PTPRM: variants seen among roughly 807,000 people sequenced by gnomAD.
PTPRM encodes protein tyrosine phosphatase receptor type M.
Under a neutral mutation model 186.7 loss-of-function variants are expected in PTPRM, and 47 were observed. The ratio of observed to expected loss-of-function variants is 0.25; its 90% CI spans 0.20 to 0.32. PTPRM has a LOEUF of 0.32. Ranked by LOEUF, PTPRM falls within the 10% of genes least tolerant of loss-of-function variation. The probability of loss-of-function intolerance (pLI) is 1.00; values close to 1 mark genes in which losing one functional copy is unlikely to be tolerated. For missense variants in PTPRM, 1,494 were observed against 1,865.0 expected, an observed-to-expected ratio of 0.80 and a Z score of 3.66; for synonymous variants, 668 against 674.9, an observed-to-expected ratio of 0.99 and a Z score of 0.16.
intron 4 of PTPRM, among the ~76,000 whole-genome samples, chr18:7,917,942 T>G (rs2050655857): frequency 6.6e-6 from 1 of 152,178 alleles, no homozygotes; most frequent in Non-Finnish European, 1.5e-5. Context: ...CTATTTGTTT[T>G]TCTGTGCTTG....
At chr18:7,621,963 A>G (rs373770061) in intron 1 of PTPRM, among the ~76,000 whole-genome samples, 1 of 152,166 alleles carries the variant, frequency 6.6e-6, no homozygotes, top group Admixed American at 6.5e-5. Flanking sequence ...TAAGTTTTCA[A>G]CTCCATTGGA....
chr18:7,883,529 G>C (rs774448054), intron 2 of PTPRM, among the ~76,000 whole-genome samples: 5 of 152,156 alleles, frequency 3.3e-5, no homozygotes, highest in Admixed American at 3.3e-4. Context: ...TTTACTGCAG[G>C]TTGCTAGACT....
intron 1 of PTPRM, among the ~76,000 whole-genome samples, chr18:7,684,530 G>A (rs1018788435): frequency 2.0e-5 from 3 of 152,034 alleles, no homozygotes; most frequent in Non-Finnish European, 2.9e-5. Context: ...CCTGGCAACC[G>A]TAATTCTATT....
intron 3 of PTPRM, among the ~76,000 whole-genome samples, chr18:7,890,341 A>G (rs985369127): frequency 6.6e-6 from 1 of 152,168 alleles, no homozygotes; most frequent in Non-Finnish European, 1.5e-5. Context: ...GGGCGTGAAC[A>G]GCATCCAGTA....
At chr18:8,318,017 G>A (rs1390694254) in intron 21 of PTPRM, among the ~76,000 whole-genome samples, 2 of 152,162 alleles carry the variant, frequency 1.3e-5, no homozygotes, top group African/African-American at 2.4e-5. Context: ...AAAAGAATGT[G>A]TTTGCTTTTG....
At chr18:7,860,613 C>T (rs1366122264) in intron 2 of PTPRM, among the ~76,000 whole-genome samples, 1 of 152,148 alleles carries the variant, frequency 6.6e-6, no homozygotes, top group African/African-American at 2.4e-5. Flanking sequence ...CCACCTTTTC[C>T]TCTCGTTTAT....
intron 1 of PTPRM, among the ~76,000 whole-genome samples, chr18:7,700,975 CAAAAAAA>C (rs1262649146): frequency 3.3e-5 from 2 of 61,008 alleles, no homozygotes; most frequent in African/African-American, 1.3e-4. Flanking sequence ...GAGCCTATCT[CAAAAAAA>C]AAAAAAAAAA....
At chr18:7,868,849 A>G (rs552356017) in intron 2 of PTPRM, among the ~76,000 whole-genome samples, 2 of 152,316 alleles carry the variant, frequency 1.3e-5, no homozygotes, top group African/African-American at 4.8e-5. Flanking sequence ...AGTTTTACCT[A>G]TAAGCCCCTG....
Position 8,378,386 on chromosome 18 carries a change from A to C in PTPRM, c.3584A>C (p.Asn1195Thr). Residue 1195 changes from asparagine to threonine, a missense_variant, in exon 27 of 33, where the codon AAC becomes ACC. By Grantham distance (65) the Asn-to-Thr change is moderately conservative. This residue lies in a region of PTPRM where 1,107 missense variants were observed against 1,350.2 expected (regional missense o/e 0.82). Coordinates refer to ENST00000580170, the MANE Select transcript of PTPRM (RefSeq NM_001105244.2). ...ATGAACAAACTGGATCCACAGACAA[A>C]CTCAAGCCAGATTAAAGAGGAATTC... ...YDMNKLDPQT[N>T]SSQIKEEFRT... 6.2e-7 allele frequency: 1 copy of C among 1,614,088 alleles called. No individual in the cohort carries two copies. The highest frequency in any genetic ancestry group is 8.5e-7 in the Non-Finnish European group (1 of 1,180,000).
intron 2 of PTPRM, among the ~76,000 whole-genome samples, chr18:7,791,057 T>C (rs1464763370): frequency 1.3e-5 from 2 of 152,232 alleles, no homozygotes; most frequent in Non-Finnish European, 2.9e-5. Context: ...ATTTGAAGAC[T>C]CATCTTACAA....
intron 13 of PTPRM, among the ~76,000 whole-genome samples, chr18:8,119,814 G>A (rs1480921597): frequency 3.3e-5 from 5 of 152,004 alleles, no homozygotes; most frequent in Admixed American, 1.3e-4. Flanking sequence ...TGATCCACAG[G>A]GACCTTACAT....
At chr18:8,263,673 A>G (rs2094661994) in intron 19 of PTPRM, among the ~76,000 whole-genome samples, 1 of 152,148 alleles carries the variant, frequency 6.6e-6, no homozygotes. Context: ...TCAGCCCCAC[A>G]CACCAACCTC....
chr18:8,372,234 GCTA>G, intron 24 of PTPRM, among the ~76,000 whole-genome samples: 1 of 146,626 alleles, frequency 6.8e-6, no homozygotes, highest in East Asian at 2.0e-4. Flanking sequence ...ACCGCGCCCG[GCTA>G]ATTTTTTGTA....
chr18:7,775,398 C>G (rs1257592892), intron 2 of PTPRM, among the ~76,000 whole-genome samples: 2 of 152,152 alleles, frequency 1.3e-5, no homozygotes, highest in African/African-American at 4.8e-5. Flanking sequence ...CTGTTTAAAT[C>G]AGGTTTAGTT....
chr18:8,282,299 T>C (rs956031090), intron 19 of PTPRM, among the ~76,000 whole-genome samples: 1 of 152,170 alleles, frequency 6.6e-6, no homozygotes, highest in African/African-American at 2.4e-5. Context: ...GAAACTGTAT[T>C]TCTTGTAAAC....
chr18:7,601,564 C>A (rs2037403354), intron 1 of PTPRM, among the ~76,000 whole-genome samples: 1 of 152,236 alleles, frequency 6.6e-6, no homozygotes, highest in Non-Finnish European at 1.5e-5. Context: ...TCACTCCAAT[C>A]TCTGCCTCCG....
chr18:8,176,953 T>C (rs2093492765), intron 14 of PTPRM, among the ~76,000 whole-genome samples: 1 of 152,216 alleles, frequency 6.6e-6, no homozygotes, highest in Non-Finnish European at 1.5e-5. Context: ...ATCTGCTTCT[T>C]TTCTATCTTG....
intron 14 of PTPRM, among the ~76,000 whole-genome samples, chr18:8,202,244 C>T (rs980191978): frequency 3.9e-5 from 6 of 152,156 alleles, no homozygotes; most frequent in Non-Finnish European, 8.8e-5. Context: ...TAAAGATTAA[C>T]CAGAAATCAA....
At chr18:8,217,518 T>A (rs1397165353) in intron 14 of PTPRM, among the ~76,000 whole-genome samples, 16 of 152,208 alleles carry the variant, frequency 1.1e-4, no homozygotes. Flanking sequence ...CCGTTTTAGC[T>A]GCCTAAAGGT....
Sources: gnomAD v4.1 joint callset for allele counts (sites outside exome capture counted in the v4.1 genomes callset) on GRCh38, gnomAD v4.1.1 for gene constraint, gnomAD v4.1.1 regional missense constraint, MANE v1.5 for transcripts, NCBI Gene and HGNC (gene_info 2026-07-23, HGNC 2026-07-21) for gene names.